The following CLYBL variants were observed in gnomAD, a reference collection of about 807,000 sequenced individuals.
CLYBL encodes the protein citramalyl-CoA lyase, mitochondrial.
In CLYBL, 31 loss-of-function variants were observed where a neutral mutation model predicts 38.9. That is an observed-to-expected ratio of 0.80 (90% confidence interval 0.60 to 1.08). CLYBL has a LOEUF of 1.08. CLYBL is among the 50% of genes least tolerant of loss of function. The probability of loss-of-function intolerance (pLI) is 0.00; values close to 1 mark genes in which losing one functional copy is unlikely to be tolerated. For missense variants in CLYBL, 434 were observed against 411.6 expected (o/e 1.05, Z -0.47); for synonymous variants, 171 against 158.6 (o/e 1.08, Z -0.59).
rs540100763 is a variant in CLYBL, at chr13:99,661,356, C to A, written c.62+54599C>A. On this transcript the variant is annotated intron_variant, in intron 1 of 8. Transcript: ENST00000339105. ...GTTTTTTTAGTTAGACATGAGGGTA[C>A]AATCAAACAGCTTCTTTTTTGTAAC... 2.4e-4 allele frequency among the ~76,000 whole-genome samples: 37 copies of A among 152,240 alleles called. No homozygotes were observed. The South Asian group carries it at 7.2e-3, about 30-fold the overall frequency.
chr13:99,884,939 C>G (rs747247659), intron 7 of CLYBL: 1 of 471,050 alleles, frequency 2.1e-6, no homozygotes, highest in Non-Finnish European at 4.4e-6. Context: ...AAGAGTGACC[C>G]AAATCACCAA....
At chr13:99,667,151 G>A (rs888709785) in intron 1 of CLYBL, among the ~76,000 whole-genome samples, 7 of 152,266 alleles carry the variant, frequency 4.6e-5, no homozygotes, top group African/African-American at 1.4e-4. Flanking sequence ...GGGGCTTTGG[G>A]GGTCTTGGGG....
chr13:99,792,393 GA>G (rs1444277775), intron 2 of CLYBL, among the ~76,000 whole-genome samples: 1 of 152,128 alleles, frequency 6.6e-6, no homozygotes, highest in Non-Finnish European at 1.5e-5. Context: ...GGGGGCAGGG[GA>G]AGCACCTGGT....
chr13:99,898,340 T>C (rs1002866695), downstream of CLYBL, among the ~76,000 whole-genome samples: 6 of 152,208 alleles, frequency 3.9e-5, no homozygotes, highest in African/African-American at 1.4e-4. Context: ...ACTCTAGGCA[T>C]CTGGCTTAAT....
chr13:99,659,321 G>A (rs983738756), intron 1 of CLYBL, among the ~76,000 whole-genome samples: 3 of 152,098 alleles, frequency 2.0e-5, no homozygotes, highest in African/African-American at 7.2e-5. Flanking sequence ...CCTAACTTGT[G>A]CATGACTCTT....
intron 2 of CLYBL, among the ~76,000 whole-genome samples, chr13:99,773,621 C>A (rs574449464): frequency 2.6e-5 from 4 of 152,148 alleles, no homozygotes; most frequent in Non-Finnish European, 5.9e-5. Flanking sequence ...AATAATTACC[C>A]TCCACAAAAC....
chr13:99,784,842 T>C (rs2049750170), intron 2 of CLYBL, among the ~76,000 whole-genome samples: 2 of 152,178 alleles, frequency 1.3e-5, no homozygotes, highest in Admixed American at 6.5e-5. Flanking sequence ...GGATAGCACT[T>C]CAGAGAACAT....
At chr13:99,609,169 G>GTTTTTTTTT (rs58873910) in intron 1 of CLYBL, among the ~76,000 whole-genome samples, 1 of 45,788 alleles carries the variant, frequency 2.2e-5, no homozygotes, top group African/African-American at 9.4e-5. Context: ...ACCTGTCTTT[G>GTTTTTTTTT]TTTTTTTTTT....
chr13:99,720,886 A>G (rs978775324), intron 1 of CLYBL, among the ~76,000 whole-genome samples: 2 of 152,076 alleles, frequency 1.3e-5, no homozygotes, highest in African/African-American at 2.4e-5. Context: ...CATTCTGAAA[A>G]CATCTCAGTC....
At position 99,816,028 on chromosome 13, in the gene CLYBL, G is replaced by A. The variant is rs531614093; in HGVS notation, c.250-42833G>A. 1.1e-3 allele frequency among the ~76,000 whole-genome samples: 174 copies of A among 152,268 alleles called. 1 individual carries two copies. The highest frequency in any genetic ancestry group is 3.4e-3 in the Middle Eastern group (1 of 294). ...AATTCCAGTCAAACAACTTAACATAGTAATTATATTCGCAATGACTAACTT... is the reference window on the plus strand; with the variant it reads ...AATTCCAGTCAAACAACTTAACATAATAATTATATTCGCAATGACTAACTT... On this transcript the variant is annotated intron_variant, in intron 2 of 8. Coordinates refer to ENST00000339105, the MANE Select transcript of CLYBL (RefSeq NM_206808.5).
In CLYBL at chr13:99,864,955, GTA is replaced by G. The variant is rs774301953; in HGVS notation, c.634+48_634+49del. 1.6e-5 allele frequency: 17 copies of G among 1,091,996 alleles called. No individual in the cohort carries two copies. In the Middle Eastern group the frequency reaches 6.0e-4, roughly 38 times the overall value. The allele number at this position is 1,091,996 out of a possible 1,614,324, so 67.6% of individuals were successfully genotyped here. A position where few individuals can be genotyped will look rare whatever the true frequency, so the allele number is the denominator to read the frequency against. On this transcript the variant is annotated intron_variant, in intron 5 of 8. Transcript: ENST00000339105. ...TCTCTCTTTTTCTGTGTGTGTGTGT[GTA>G]TATGTGTGTATATATTTTTTCTTTG...
chr13:99,660,951 A>T (rs1043972253), intron 1 of CLYBL, among the ~76,000 whole-genome samples: 33 of 152,288 alleles, frequency 2.2e-4, no homozygotes, highest in African/African-American at 7.7e-4. Flanking sequence ...GTTTTTAAAA[A>T]ATGTTGCTAC....
At chr13:99,728,747 T>C (rs2139561104) in intron 1 of CLYBL, among the ~76,000 whole-genome samples, 1 of 151,960 alleles carries the variant, frequency 6.6e-6, no homozygotes, top group South Asian at 2.1e-4. Flanking sequence ...TTTTTTGTTT[T>C]GTTTTGTTTT....
chr13:99,629,103 G>A lies in CLYBL; in HGVS notation c.62+22346G>A, dbSNP rs139690373. Among the ~76,000 whole-genome samples, 776 of 152,316 alleles carry A rather than the reference G, an allele frequency of 5.1e-3. 5 individuals carry two copies. The highest frequency in any genetic ancestry group is 0.018 in the African/African-American group (736 of 41,568). On this transcript the variant is annotated intron_variant, in intron 1 of 8. Coordinates refer to ENST00000339105, the MANE Select transcript of CLYBL (RefSeq NM_206808.5). ...GGCAGAGAGAGCCCTGGGGTTGGGG[G>A]AACAAGGAAGTGTTTCCAGTTCCCA... is the stretch of plus-strand genomic sequence containing the variant.
chr13:99,688,042 C>T (rs1456932688), intron 1 of CLYBL, among the ~76,000 whole-genome samples: 1 of 152,160 alleles, frequency 6.6e-6, no homozygotes, highest in East Asian at 1.9e-4. Context: ...AAGAGAGAAA[C>T]TTGTTAAAGA....
At chr13:99,819,746 A>T (rs1201333408) in intron 2 of CLYBL, among the ~76,000 whole-genome samples, 1 of 151,962 alleles carries the variant, frequency 6.6e-6, no homozygotes, top group East Asian at 1.9e-4. Context: ...ACTCAGGAAG[A>T]GCGAGAATTT....
At chr13:99,836,078 C>G (rs1350854705) in intron 2 of CLYBL, among the ~76,000 whole-genome samples, 1 of 152,100 alleles carries the variant, frequency 6.6e-6, no homozygotes, top group Non-Finnish European at 1.5e-5. Context: ...AAAGTATGAC[C>G]AAGTCCTCAG....
intron 8 of CLYBL, among the ~76,000 whole-genome samples, chr13:99,902,878 C>T: frequency 6.6e-6 from 1 of 152,228 alleles, no homozygotes; most frequent in East Asian, 1.9e-4. Context: ...TGTACATACT[C>T]CCAGAAGCCC....
At chr13:99,866,592 GCA>G (rs2051751427) in intron 6 of CLYBL, among the ~76,000 whole-genome samples, 185 bp downstream of exon 6, 1 of 151,282 alleles carries the variant, frequency 6.6e-6, no homozygotes, top group Non-Finnish European at 1.5e-5. Flanking sequence ...CCTTGGCCCT[GCA>G]AGTCAACAAA....
Sources: allele counts gnomAD v4.1 joint callset (sites outside exome capture counted in the v4.1 genomes callset), GRCh38; gene constraint gnomAD v4.1.1; transcripts MANE v1.5; gene names NCBI Gene and HGNC (gene_info 2026-07-23, HGNC 2026-07-21).